Variants in ADGRG7 observed in about 807,000 individuals in gnomAD.
ADGRG7 encodes the protein G-protein coupled receptor 128.
ADGRG7 carries 82 observed loss-of-function variants against 88.6 expected under a neutral mutation model. The ratio of observed to expected loss-of-function variants is 0.93; its 90% CI spans 0.77 to 1.11. The LOEUF (loss-of-function observed/expected upper bound fraction) is 1.11. ADGRG7 is among the 50% of genes most tolerant of loss of function. ADGRG7 has a pLI of 0.00. For synonymous variants in ADGRG7, 381 were observed against 345.2 expected (o/e 1.10, Z -1.15); for missense variants, 945 against 953.4 (o/e 0.99, Z 0.12).
At chr3:100,632,734 A>AT (rs922200834) in intron 3 of ADGRG7, among the ~76,000 whole-genome samples, 1 of 152,134 alleles carries the variant, frequency 6.6e-6, no homozygotes, top group Non-Finnish European at 1.5e-5. Flanking sequence ...TCTAATTATG[A>AT]TTTTTTTCTA....
chr3:100,694,744 G>A lies in ADGRG7; in HGVS notation c.2137G>A (p.Gly713Arg). 4.3e-6 allele frequency: 7 copies of A among 1,612,966 alleles called. No homozygotes were observed. Among genetic ancestry groups the A allele is most frequent in the Non-Finnish European group, 5.9e-6 (7 of 1,179,232 alleles). Residue 713 changes from glycine to arginine, a missense_variant and splice_region_variant, in exon 16 of 16, where the codon GGA becomes AGA. Physicochemically the swap from Gly to Arg is moderately radical, Grantham distance 125 (BLOSUM62 -2). Coordinates refer to ENST00000273352, the MANE Select transcript of ADGRG7 (RefSeq NM_032787.3). ...YIFCLFNTTQGLQIFILYTVR... is the reference protein window; with the variant it reads ...YIFCLFNTTQRLQIFILYTVR... ...CATTAAACTTTTGTTCTATCTGCAG[G>A]GATTGCAAATTTTTATCCTGTACAC...
At chr3:100,680,676 C>T (rs539616142) in intron 15 of ADGRG7, among the ~76,000 whole-genome samples, 3 of 152,202 alleles carry the variant, frequency 2.0e-5, no homozygotes, top group Admixed American at 6.5e-5. Flanking sequence ...TCGTTGTCAA[C>T]TTGGAGCTAA....
At position 100,694,839 on chromosome 3, in the gene ADGRG7, G is replaced by A. The variant is rs145563365; in HGVS notation, c.2232G>A (p.Arg744=). 6.2e-7 allele frequency: 1 copy of A among 1,614,022 alleles called. No individual in the cohort carries two copies. Among genetic ancestry groups the A allele is most frequent in the Admixed American group, 1.7e-5 (1 of 60,002 alleles). ...TGTTGCTATCGTCTATTGGGAGAAGGAAGTCATTGCCTTCAGTGACGCGGC... is the reference window on the plus strand; with the variant it reads ...TGTTGCTATCGTCTATTGGGAGAAGAAAGTCATTGCCTTCAGTGACGCGGC... ...VLMLLSSIGR[R]KSLPSVTRPR... Residue 744 remains arginine, a synonymous_variant, in exon 16 of 16, where the codon AGG becomes AGA. Coordinates refer to ENST00000273352, the MANE Select transcript of ADGRG7 (RefSeq NM_032787.3).
At chr3:100,629,828 G>A (rs1228306035) in intron 2 of ADGRG7, 117 bp downstream of exon 2, 1 of 671,324 alleles carries the variant, frequency 1.5e-6, no homozygotes, top group Admixed American at 2.6e-5. Context: ...TGGACATAAT[G>A]ATGATGGCTT....
chr3:100,683,624 G>A (rs920998797), intron 15 of ADGRG7, among the ~76,000 whole-genome samples: 3 of 152,216 alleles, frequency 2.0e-5, no homozygotes, highest in African/African-American at 7.2e-5. Flanking sequence ...GCTCGTCCTT[G>A]GCAGGTGTGG....
In ADGRG7 at chr3:100,633,312, GAGAT is replaced by G. The variant is rs1376535079; in HGVS notation, c.386_389del (p.Ile129AsnfsTer5). The G allele has an allele frequency of 7.6e-6, 12 of 1,588,790 alleles. No individual in the cohort carries two copies. The highest frequency in any genetic ancestry group is 1.0e-5 in the Non-Finnish European group (12 of 1,167,128). On this transcript the variant is annotated frameshift_variant, in exon 4 of 16. Transcript: ENST00000273352. LOFTEE classifies it high-confidence loss of function. ...GTTGTGCAGTCTCTCTCTATATGGA[GAGAT>G]AGAATTACAAAAAGTGACAATAGGA...
intron 1 of ADGRG7, 124 bp downstream of exon 1, chr3:100,610,095 T>A (rs1707125744): frequency 7.2e-6 from 5 of 696,238 alleles, no homozygotes; most frequent in Non-Finnish European, 1.3e-5. Context: ...CAAGGTGCCA[T>A]TTATGGGATA....
At chr3:100,649,619 T>A (rs2094925992) in intron 10 of ADGRG7, 76 bp from the exon 11 acceptor site, 1 of 748,254 alleles carries the variant, frequency 1.3e-6, no homozygotes, top group Non-Finnish European at 2.3e-6. Context: ...TTGACCCATG[T>A]AACTCTGTGA....
chr3:100,687,376 C>T (rs1465563835), intron 15 of ADGRG7, among the ~76,000 whole-genome samples: 9 of 152,110 alleles, frequency 5.9e-5, no homozygotes, highest in Non-Finnish European at 1.2e-4. Flanking sequence ...ATTTCCTTCT[C>T]CTGCCTGATT....
Position 100,695,037 on chromosome 3 carries a change from C to A in ADGRG7, c.*36C>A. 3 of 1,589,760 alleles carry A rather than the reference C, an allele frequency of 1.9e-6. No homozygotes were observed. Among genetic ancestry groups the A allele is most frequent in the Non-Finnish European group, 2.6e-6 (3 of 1,166,218 alleles). On this transcript the variant is annotated 3_prime_UTR_variant, in exon 16 of 16. Transcript: ENST00000273352. ...TTACCTGTTGTGGTCTTTTTAATCA[C>A]CTCGTTTGAGTTTTATCTGTTTCTC...
intron 13 of ADGRG7, 30 bp from the exon 14 acceptor site, chr3:100,659,658 T>G (rs2094942497): frequency 1.9e-6 from 3 of 1,608,806 alleles, no homozygotes; most frequent in South Asian, 1.1e-5. Context: ...TTTCTTAGTC[T>G]GCTGAAGCAA....
chr3:100,661,810 AG>A (rs781210457), intron 14 of ADGRG7, among the ~76,000 whole-genome samples: 1 of 152,232 alleles, frequency 6.6e-6, no homozygotes, highest in Non-Finnish European at 1.5e-5. Context: ...AAGAATATTC[AG>A]CTTGGGACCA....
intron 14 of ADGRG7, among the ~76,000 whole-genome samples, chr3:100,661,194 C>A (rs1258741829): frequency 1.3e-5 from 2 of 152,092 alleles, no homozygotes; most frequent in East Asian, 1.9e-4. Flanking sequence ...TATACTCTAC[C>A]CTCCCTGACC....
At chr3:100,688,218 G>C (rs146200275) in intron 15 of ADGRG7, among the ~76,000 whole-genome samples, 115 of 152,262 alleles carry the variant, frequency 7.6e-4, no homozygotes, top group African/African-American at 2.5e-3. Flanking sequence ...GGGATCAGTG[G>C]TGATGTCCCC....
Position 100,674,735 on chromosome 3 carries a change from C to T in ADGRG7, c.2136+5630C>T, listed in dbSNP as rs1165349. On this transcript the variant is annotated intron_variant, in intron 15 of 15. Coordinates refer to ENST00000273352, the MANE Select transcript of ADGRG7 (RefSeq NM_032787.3). ...TGGGACTACAGGCATGTGCCACCAC[C>T]CCTAGCTAATTTTTTGTATTTTTAG... Among the ~76,000 whole-genome samples, 3 of 152,168 alleles carry T rather than the reference C, an allele frequency of 2.0e-5. No individual in the cohort carries two copies. In the East Asian group the frequency reaches 5.8e-4, roughly 29 times the overall value.
At chr3:100,674,821 C>T (rs1385555509) in intron 15 of ADGRG7, among the ~76,000 whole-genome samples, 1 of 152,220 alleles carries the variant, frequency 6.6e-6, no homozygotes, top group Non-Finnish European at 1.5e-5. Context: ...TCGTGATCCA[C>T]CCACCTTGGC....
At chr3:100,612,787 T>C (rs1461854521) in intron 1 of ADGRG7, among the ~76,000 whole-genome samples, 1 of 152,216 alleles carries the variant, frequency 6.6e-6, no homozygotes, top group Non-Finnish European at 1.5e-5. Flanking sequence ...TCATTCTCTA[T>C]CACAGGATAC....
chr3:100,660,524 T>C (rs2094943822), intron 14 of ADGRG7, among the ~76,000 whole-genome samples: 1 of 152,152 alleles, frequency 6.6e-6, no homozygotes, highest in South Asian at 2.1e-4. Flanking sequence ...AGGCTGGTCT[T>C]GACCTCCTGG....
intron 1 of ADGRG7, among the ~76,000 whole-genome samples, chr3:100,620,835 T>C (rs1367588220): frequency 6.7e-6 from 1 of 150,008 alleles, no homozygotes; most frequent in African/African-American, 2.4e-5. Context: ...GGTATTATGT[T>C]TTTTTTTTTT....
Sources: gnomAD v4.1 joint callset for allele counts (sites outside exome capture counted in the v4.1 genomes callset) on GRCh38, gnomAD v4.1.1 for gene constraint, MANE v1.5 for transcripts, NCBI Gene and HGNC (gene_info 2026-07-23, HGNC 2026-07-21) for gene names.